Variants in DIP2C observed in about 807,000 individuals in gnomAD.
The protein encoded by DIP2C is disco-interacting protein 2 homolog C.
Under a neutral mutation model 192.4 loss-of-function variants are expected in DIP2C, and 33 were observed. That is an observed-to-expected ratio of 0.17 (90% CI 0.13 to 0.23). DIP2C has a LOEUF of 0.23. Among genes scored for constraint, DIP2C ranks in the 10% least tolerant of loss-of-function variants. The pLI, the probability that DIP2C is intolerant of heterozygous loss-of-function variation, is 1.00. For missense variants in DIP2C, 1,537 were observed against 2,110.1 expected (o/e 0.73, Z 5.32); for synonymous variants, 979 against 864.1 (o/e 1.13, Z -2.33).
At chr10:500,829 TC>T (rs1191015450) in intron 1 of DIP2C, among the ~76,000 whole-genome samples, 1 of 152,094 alleles carries the variant, frequency 6.6e-6, no homozygotes, top group Admixed American at 6.5e-5. Context: ...CTGCGATGTC[TC>T]CCCCCATAGG....
intron 32 of DIP2C, among the ~76,000 whole-genome samples, chr10:299,170 C>G (rs1037632099): frequency 1.3e-5 from 2 of 152,172 alleles, no homozygotes; most frequent in African/African-American, 4.8e-5. Context: ...TTTTTCTGAA[C>G]CATTTGAGGA....
rs559016680 is a variant in DIP2C, at chr10:360,694, CTG to C, written c.2794+1794_2794+1795del. The stretch of plus-strand genomic sequence containing the variant: ...TGGAATTGTACCTTGTTTTGTAACT[CTG>C]TAATATTTTTGCCAGCTCAGCTGCT... On this transcript the variant is annotated intron_variant, in intron 22 of 36. Coordinates refer to ENST00000280886, the MANE Select transcript of DIP2C (RefSeq NM_014974.3). Among the ~76,000 whole-genome samples, 131 of 152,298 alleles carry C rather than the reference CTG, an allele frequency of 8.6e-4. 2 individuals are homozygous for C. The South Asian group carries it at 0.018, about 21-fold the overall frequency.
chr10:588,759 C>CA (rs1851236252), intron 1 of DIP2C, among the ~76,000 whole-genome samples: 1 of 152,204 alleles, frequency 6.6e-6, no homozygotes, highest in Admixed American at 6.5e-5. Context: ...CAGGCTACCC[C>CA]AGCCTGCCAG....
At position 390,055 on chromosome 10, in the gene DIP2C, C is replaced by T. The variant is rs1263821239; in HGVS notation, c.1533G>A (p.Thr511=). Reference sequence around the variant, plus strand: ...GTGTCAGCAGCGCAGTCCTCGTCACCGTCACACCCAGCACACTGCCATCCT... The same window carrying T: ...GTGTCAGCAGCGCAGTCCTCGTCACTGTCACACCCAGCACACTGCCATCCT... ...TCKDGSVLGV[T]VTRTALLTHC... is the part of the protein sequence containing the mutation. Residue 511 remains threonine (T), a synonymous_variant, in exon 13 of 37, where the codon ACG becomes ACA. Coordinates refer to ENST00000280886, the MANE Select transcript of DIP2C (RefSeq NM_014974.3). The T allele has an allele frequency of 8.7e-6, 14 of 1,614,022 alleles. No homozygotes were observed. The highest frequency in any genetic ancestry group is 2.2e-5 in the East Asian group (1 of 44,894).
chr10:364,290 C>A (rs1959914091), intron 20 of DIP2C, 84 bp downstream of exon 20: 3 of 1,463,428 alleles, frequency 2.0e-6, no homozygotes, highest in East Asian at 4.6e-5. Context: ...TTTAAGGAAA[C>A]TGTGCAACTT....
At chr10:543,731 C>A (rs963301255) in intron 1 of DIP2C, among the ~76,000 whole-genome samples, 1 of 152,208 alleles carries the variant, frequency 6.6e-6, no homozygotes, top group Non-Finnish European at 1.5e-5. Flanking sequence ...CAAATAAGTT[C>A]TTTAGTTTCT....
At chr10:580,613 T>C (rs1023163392) in intron 1 of DIP2C, among the ~76,000 whole-genome samples, 2 of 152,202 alleles carry the variant, frequency 1.3e-5, no homozygotes, top group African/African-American at 4.8e-5. Flanking sequence ...ACATGTACAA[T>C]GGCAATACAT....
chr10:350,759 G>C (rs945357553), intron 24 of DIP2C, among the ~76,000 whole-genome samples: 1 of 149,866 alleles, frequency 6.7e-6, no homozygotes, highest in African/African-American at 2.5e-5. Context: ...CCGTTCTCCT[G>C]CCTCAGCCTC....
At chr10:545,577 G>A (rs116348998) in intron 1 of DIP2C, among the ~76,000 whole-genome samples, 1,565 of 152,258 alleles carry the variant, frequency 0.01, 32 homozygotes, top group African/African-American at 0.035. Context: ...GTGAGGACCC[G>A]GAGGATCGAA....
At chr10:347,891 G>C (rs12777462) in intron 26 of DIP2C, among the ~76,000 whole-genome samples, 122 of 8,826 alleles carry the variant, frequency 0.014, no homozygotes, top group Non-Finnish European at 0.019. Context: ...AACCCCACAC[G>C]CACCCAGACG....
At chr10:328,798 A>T (rs1291937148) in intron 30 of DIP2C, among the ~76,000 whole-genome samples, 1 of 152,246 alleles carries the variant, frequency 6.6e-6, no homozygotes, top group African/African-American at 2.4e-5. Context: ...AAGAGTACAA[A>T]GTCAGTTGAA....
chr10:420,712 TAATTA>T (rs1273362500), intron 5 of DIP2C, among the ~76,000 whole-genome samples: 1 of 152,230 alleles, frequency 6.6e-6, no homozygotes, highest in Non-Finnish European at 1.5e-5. Context: ...ATTGCCGGCA[TAATTA>T]AATTGGTGGA....
rs1167608443 is a variant in DIP2C at position 449,932 on chromosome 10, AAAAAG to A, written c.269-8941_269-8937del. On this transcript the variant is annotated intron_variant, in intron 3 of 36. Coordinates refer to ENST00000280886, the MANE Select transcript of DIP2C (RefSeq NM_014974.3). ...CAGTCAACAACAACAAAAAAAAAAA[AAAAAG>A]AAAATCTGAGAACAAGATATCATTG... 4.7e-3 allele frequency among the ~76,000 whole-genome samples: 692 copies of A among 147,012 alleles called. 7 individuals are homozygous for A. Among genetic ancestry groups the A allele is most frequent in the African/African-American group, 0.017 (611 of 36,944 alleles).
chr10:372,578 A>G (rs1368708935), intron 17 of DIP2C, among the ~76,000 whole-genome samples: 1 of 152,230 alleles, frequency 6.6e-6, no homozygotes, highest in Non-Finnish European at 1.5e-5. Context: ...ACATTTATTC[A>G]TATTTGATAG....
chr10:664,820 G>A (rs891017052), intron 1 of DIP2C: 4 of 151,982 alleles, frequency 2.6e-5, no homozygotes, highest in African/African-American at 4.8e-5. Context: ...AAATATCAGG[G>A]TAGAAGGAAT....
At chr10:638,805 A>C (rs816576) in intron 1 of DIP2C, among the ~76,000 whole-genome samples, 4,492 of 152,340 alleles carry the variant, frequency 0.029, 212 homozygotes, top group African/African-American at 0.1. Flanking sequence ...CATATTTAAA[A>C]TCACGGGAGC....
At chr10:601,345 C>T (rs923651494) in intron 1 of DIP2C, among the ~76,000 whole-genome samples, 6 of 99,132 alleles carry the variant, frequency 6.1e-5, no homozygotes, top group African/African-American at 1.5e-4. Flanking sequence ...CAAAAACCAC[C>T]ATTCCCATTT....
chr10:433,846 G>T (rs577774343), intron 4 of DIP2C, among the ~76,000 whole-genome samples: 1 of 152,144 alleles, frequency 6.6e-6, no homozygotes, highest in Non-Finnish European at 1.5e-5. Flanking sequence ...ATATACAGTT[G>T]AATTAATATC....
At chr10:599,882 C>T (rs1254026053) in intron 1 of DIP2C, among the ~76,000 whole-genome samples, 1 of 152,208 alleles carries the variant, frequency 6.6e-6, no homozygotes, top group East Asian at 1.9e-4. Flanking sequence ...CGCCGCCTCC[C>T]CAGTCTCTGC....
Sources: allele counts gnomAD v4.1 joint callset (sites outside exome capture counted in the v4.1 genomes callset), GRCh38; gene constraint gnomAD v4.1.1; transcripts MANE v1.5; gene names NCBI Gene and HGNC (gene_info 2026-07-23, HGNC 2026-07-21).